Variants in IKBKE observed in about 807,000 individuals in gnomAD.
The protein encoded by IKBKE is inhibitor of nuclear factor kappa B kinase subunit epsilon, also known as inhibitor of nuclear factor kappa-B kinase subunit epsilon.
In IKBKE, 45 loss-of-function variants were observed where a neutral mutation model predicts 92.1. The ratio of observed to expected loss-of-function variants is 0.49; its 90% CI spans 0.38 to 0.63. The LOEUF (loss-of-function observed/expected upper bound fraction) is 0.63. IKBKE is among the 20% of genes least tolerant of loss of function. The pLI is 0.00. For missense variants in IKBKE, 700 were observed against 932.8 expected (o/e 0.75, Z 3.25); for synonymous variants, 374 against 380.3 (o/e 0.98, Z 0.19).
Position 206,474,390 on chromosome 1 carries a change from C to A in IKBKE, c.147C>A (p.Arg49=), listed in dbSNP as rs202043961. 63 of 1,613,484 alleles carry A rather than the reference C, an allele frequency of 3.9e-5. No individual in the cohort carries two copies. Among genetic ancestry groups the A allele is most frequent in the Admixed American group, 1.7e-4 (10 of 59,994 alleles). The change falls in exon 4 of 22, where the codon CGC becomes CGA. Residue 49 remains arginine (R), a synonymous_variant. Coordinates refer to ENST00000581977, the MANE Select transcript of IKBKE (RefSeq NM_014002.4). ...ACACTACCAGCTACCTGCGGCCCCG[C>A]GAGGTGCAGGTGAGGGAGTTTGAGG... is the stretch of plus-strand genomic sequence containing the variant. The part of the protein sequence containing the change: ...VFNTTSYLRP[R]EVQVREFEVL...
rs782567771 is a variant in IKBKE at position 206,479,022 on chromosome 1, C to T, written c.1072C>T (p.Leu358Phe). ...CCAGGAGTACCTCTTTGAGGGTCAC[C>T]TCTGTGTCCTCGAGCCCAGCGTCTC... ...RHQEYLFEGH[L>F]CVLEPSVSAQ... The change falls in exon 10 of 22, where the codon CTC (leucine) becomes TTC (phenylalanine). Residue 358 changes from leucine to phenylalanine, a missense_variant. Physicochemically the swap from Leu to Phe is conservative, Grantham distance 22. Transcript: ENST00000581977. 3.7e-6 allele frequency: 6 copies of T among 1,614,146 alleles called. No individual in the cohort carries two copies. Among genetic ancestry groups the T allele is most frequent in the Non-Finnish European group, 4.2e-6 (5 of 1,180,024 alleles).
chr1:206,490,986 G>A lies in IKBKE; in HGVS notation c.1733+128G>A. The A allele has an allele frequency of 1.2e-6, 1 of 856,726 alleles. No homozygotes were observed. The highest frequency in any genetic ancestry group is 2.0e-6 in the Non-Finnish European group (1 of 511,556). 53.1% of individuals were successfully genotyped at this position (856,726 alleles called of 1,614,324 possible). On this transcript the variant is annotated intron_variant, in intron 17 of 21. Transcript: ENST00000581977. This position sits in a 1 kb window ranked among gnomAD's most constrained non-coding sequence, Gnocchi z 5.2. ...CGGACTGCAGCTGAGCAGAGTTGGGGATAACAGGTTATCTGGGGCCAGGGG... is the reference window on the plus strand; with the variant it reads ...CGGACTGCAGCTGAGCAGAGTTGGGAATAACAGGTTATCTGGGGCCAGGGG...
At chr1:206,486,773 T>G (rs1665687600) in intron 15 of IKBKE, among the ~76,000 whole-genome samples, 1 of 151,540 alleles carries the variant, frequency 6.6e-6, no homozygotes, top group Non-Finnish European at 1.5e-5. Context: ...GGCCCTGTCT[T>G]TTGGATGAAG....
In IKBKE at chr1:206,470,610, G is replaced by A. The variant is rs1664722248; in HGVS notation, c.-211G>A. 1 of 152,312 alleles carries A rather than the reference G, an allele frequency of 6.6e-6. No individual in the cohort carries two copies. Among genetic ancestry groups the A allele is most frequent in the Non-Finnish European group, 1.5e-5 (1 of 68,110 alleles). The allele number at this position is 152,312 out of a possible 1,614,324, so 9.4% of individuals were successfully genotyped here. ...GGGCCCTTGGCTACCAGGAGGCTAA[G>A]AACACTGCTCATGAATGACAGTGAG... On this transcript the variant is annotated 5_prime_UTR_variant, in exon 1 of 22. Coordinates refer to ENST00000581977, the MANE Select transcript of IKBKE (RefSeq NM_014002.4).
chr1:206,474,557 G>C, intron 4 of IKBKE, 86 bp downstream of exon 4: 2 of 1,370,258 alleles, frequency 1.5e-6, no homozygotes, highest in Non-Finnish European at 2.0e-6. Context: ...ACAGAGATTT[G>C]GTCCCATGCT....
rs1362735495 is a variant in IKBKE at position 206,487,215 on chromosome 1, G to A, written c.1617-699G>A. Among the ~76,000 whole-genome samples the A allele has an allele frequency of 1.3e-5, 2 of 152,206 alleles. No individual in the cohort carries two copies. Among genetic ancestry groups the A allele is most frequent in the African/African-American group, 2.4e-5 (1 of 41,448 alleles). ...TGGAGCTACATAGGCCTGTGGGTGA[G>A]GAAGAACTTTTCCCAGACACTCCCG... On this transcript the variant is annotated intron_variant, in intron 15 of 21. Coordinates refer to ENST00000581977, the MANE Select transcript of IKBKE (RefSeq NM_014002.4). This position sits in a 1 kb window ranked among gnomAD's most constrained non-coding sequence, Gnocchi z 5.3.
chr1:206,496,006 C>A, intron 21 of IKBKE, 106 bp from the exon 22 acceptor site: 1 of 801,072 alleles, frequency 1.2e-6, no homozygotes, highest in Non-Finnish European at 2.1e-6. Flanking sequence ...GAGCTGAGGA[C>A]TTGAATGGCT....
chr1:206,475,941 A>G (rs1167826940), intron 5 of IKBKE, among the ~76,000 whole-genome samples: 2 of 152,092 alleles, frequency 1.3e-5, no homozygotes, highest in African/African-American at 2.4e-5. Flanking sequence ...TTGAGGACAC[A>G]GAGCCACCAC....
intron 7 of IKBKE, among the ~76,000 whole-genome samples, chr1:206,477,457 C>A (rs1665127762): frequency 6.6e-6 from 1 of 152,008 alleles, no homozygotes; most frequent in African/African-American, 2.4e-5. Flanking sequence ...TGGGGCCATG[C>A]ATAGCATGGG....
chr1:206,493,370 G>C lies in IKBKE; in HGVS notation c.2037G>C (p.Leu679=), dbSNP rs782360393. The C allele has an allele frequency of 3.7e-6, 6 of 1,611,686 alleles. No homozygotes were observed. The highest frequency in any genetic ancestry group is 1.7e-5 in the Admixed American group (1 of 60,002). Residue 679 remains leucine (L), a synonymous_variant, in exon 20 of 22, where the codon CTG becomes CTC. Transcript: ENST00000581977. ...ACCCCAGCCCTACACGAAAGGACCTGCTTCTCCAGTAAGTGCTGGGGAGAA... is the reference window on the plus strand; with the variant it reads ...ACCCCAGCCCTACACGAAAGGACCTCCTTCTCCAGTAAGTGCTGGGGAGAA... The part of the protein sequence containing the change: ...APYPSPTRKD[L]LLHMQELCEG...
intron 16 of IKBKE, among the ~76,000 whole-genome samples, chr1:206,489,251 A>ACATATATATATTATT (rs1250247065): frequency 9.5e-5 from 14 of 147,192 alleles, no homozygotes; most frequent in Non-Finnish European, 1.8e-4. Context: ...TATATTATTC[A>ACATATATATATTATT]CATATATATA....
Position 206,478,792 on chromosome 1 carries a change from C to T in IKBKE, c.993-151C>T, listed in dbSNP as rs1192220008. ...GAACTCTCCCCTTGGTCTCTCCACC[C>T]TTGATGACAGAGAAAACCACCCCCG... On this transcript the variant is annotated intron_variant, in intron 9 of 21. Coordinates refer to ENST00000581977, the MANE Select transcript of IKBKE (RefSeq NM_014002.4). This position sits in a 1 kb window ranked among gnomAD's most constrained non-coding sequence, Gnocchi z 4.8. The T allele has an allele frequency of 2.2e-5, 15 of 696,072 alleles. No homozygotes were observed. The highest frequency in any genetic ancestry group is 3.6e-5 in the Non-Finnish European group (14 of 388,688). The allele number at this position is 696,072 out of a possible 1,614,324, so 43.1% of individuals were successfully genotyped here. A position where few individuals can be genotyped will look rare whatever the true frequency, so the allele number is the denominator to read the frequency against.
chr1:206,473,128 G>T, intron 2 of IKBKE, 68 bp from the exon 3 acceptor site: 1 of 896,968 alleles, frequency 1.1e-6, no homozygotes, highest in Non-Finnish European at 1.8e-6. Flanking sequence ...ACAGTTACAG[G>T]TCAGGCCACC....
intron 16 of IKBKE, among the ~76,000 whole-genome samples, chr1:206,488,415 G>A (rs990456127): frequency 6.6e-6 from 1 of 152,200 alleles, no homozygotes; most frequent in East Asian, 1.9e-4. Flanking sequence ...AGAAAAGGGG[G>A]GGTCAGGAGA....
At chr1:206,494,414 G>A (rs551074525) in intron 21 of IKBKE, among the ~76,000 whole-genome samples, 9 of 152,104 alleles carry the variant, frequency 5.9e-5, no homozygotes, top group African/African-American at 2.2e-4. Context: ...GTGTTTCTCT[G>A]GCCTTGTGGG....
Position 206,476,349 on chromosome 1 carries a change from C to G in IKBKE, c.527C>G (p.Thr176Ser), listed in dbSNP as rs2103454838. The change falls in exon 6 of 22, where the codon ACT becomes AGT. Residue 176 changes from threonine to serine, a missense_variant. Physicochemically the swap from Thr to Ser is moderately conservative, Grantham distance 58. Transcript: ENST00000581977. This position sits in a 1 kb window ranked among gnomAD's most constrained non-coding sequence, Gnocchi z 5.1. ...DDEKFVSVYG[T>S]EEYLHPDMYE... ...GAGAAGTTCGTCTCGGTCTATGGGA[C>G]TGAGGAGTACCTGGTGGGTGAGCTG... is the stretch of plus-strand genomic sequence containing the variant. The G allele has an allele frequency of 6.2e-7, 1 of 1,610,060 alleles. No homozygotes were observed. Among genetic ancestry groups the G allele is most frequent in the Non-Finnish European group, 8.5e-7 (1 of 1,177,200 alleles).
At chr1:206,483,676 A>C (rs1553387800) in intron 13 of IKBKE, among the ~76,000 whole-genome samples, 1 of 152,246 alleles carries the variant, frequency 6.6e-6, no homozygotes, top group African/African-American at 2.4e-5. Context: ...ATAAGCAAAA[A>C]TAAGAAAATT....
chr1:206,481,840 C>T (rs12093831), intron 13 of IKBKE, among the ~76,000 whole-genome samples: 22,020 of 129,786 alleles, frequency 0.17, 2,829 homozygotes, highest in African/African-American at 0.38. Context: ...AGTGCAGTGG[C>T]GCGATCTCGG....
intron 2 of IKBKE, among the ~76,000 whole-genome samples, chr1:206,471,923 G>A (rs782538697): frequency 6.6e-6 from 1 of 152,234 alleles, no homozygotes; most frequent in Non-Finnish European, 1.5e-5. Flanking sequence ...AGAACACGAA[G>A]ATGCCTTTTC....
Sources: allele counts gnomAD v4.1 joint callset (sites outside exome capture counted in the v4.1 genomes callset), GRCh38; gene constraint gnomAD v4.1.1; non-coding constraint Gnocchi (gnomAD v3.1); transcripts MANE v1.5; gene names NCBI Gene and HGNC (gene_info 2026-07-23, HGNC 2026-07-21).